Variants in RIT2 observed in about 807,000 individuals in gnomAD.
RIT2 encodes Ras like without CAAX 2.
A neutral mutation model predicts 23.7 loss-of-function variants in RIT2; 24 were observed. The observed-to-expected ratio is 1.01, with a 90% CI of 0.73 to 1.43. The LOEUF is 1.43. Ranked by LOEUF, RIT2 falls within the 40% of genes most tolerant of loss-of-function variation. RIT2 has a pLI of 0.00. For missense variants in RIT2, 236 were observed against 266.9 expected (o/e 0.88, Z 0.81); for synonymous variants, 107 against 91.1 (o/e 1.17, Z -0.99).
chr18:42,987,411 C>T (rs1910736805), intron 2 of RIT2, among the ~76,000 whole-genome samples: 1 of 152,128 alleles, frequency 6.6e-6, no homozygotes, highest in African/African-American at 2.4e-5. Flanking sequence ...ACCTAGATAC[C>T]TATCTGAAAC....
chr18:43,021,699 T>C (rs951859553), intron 2 of RIT2, among the ~76,000 whole-genome samples: 9 of 152,090 alleles, frequency 5.9e-5, no homozygotes, highest in African/African-American at 2.2e-4. Context: ...AAACGTGCCT[T>C]CTTCCCCTTT....
At chr18:42,889,816 A>G (rs998656549) in intron 4 of RIT2, among the ~76,000 whole-genome samples, 1 of 152,150 alleles carries the variant, frequency 6.6e-6, no homozygotes, top group African/African-American at 2.4e-5. Flanking sequence ...GTTCAGAGAA[A>G]TGCAGAAAGA....
rs1227982274 is a variant in RIT2, at chr18:42,873,684, C to T, written c.426+49888G>A. ...GAAACAGCATTTTTCTTCTGCCAAACAGAAGGAATATTCAAGATGATAAAA... is the reference window on the plus strand; with the variant it reads ...GAAACAGCATTTTTCTTCTGCCAAATAGAAGGAATATTCAAGATGATAAAA... On this transcript the variant is annotated intron_variant, in intron 4 of 4. Coordinates refer to ENST00000326695, the MANE Select transcript of RIT2 (RefSeq NM_002930.4). 3.3e-5 allele frequency among the ~76,000 whole-genome samples: 5 copies of T among 151,992 alleles called. No homozygotes were observed. In the East Asian group the frequency reaches 7.7e-4, roughly 24 times the overall value.
intron 3 of RIT2, among the ~76,000 whole-genome samples, chr18:42,964,684 C>T (rs1293006245): frequency 6.6e-6 from 1 of 152,176 alleles, no homozygotes; most frequent in Non-Finnish European, 1.5e-5. Flanking sequence ...AATTTGGAGC[C>T]TCAAAATCAT....
Position 42,905,834 on chromosome 18 carries a change from G to A in RIT2, c.426+17738C>T, listed in dbSNP as rs540768724. Among the ~76,000 whole-genome samples, 8 of 150,622 alleles carry A rather than the reference G, an allele frequency of 5.3e-5. No homozygotes were observed. In the South Asian group the frequency reaches 1.7e-3, roughly 32 times the overall value. On this transcript the variant is annotated intron_variant, in intron 4 of 4. Coordinates refer to ENST00000326695, the MANE Select transcript of RIT2 (RefSeq NM_002930.4). Reference sequence around the variant, plus strand: ...TAAAAGGATCAGAATCTAGGATGTCGATAAAACTGATGAGATAAAACAGAG... The same window carrying A: ...TAAAAGGATCAGAATCTAGGATGTCAATAAAACTGATGAGATAAAACAGAG...
chr18:43,078,492 A>G (rs559043567), intron 1 of RIT2, among the ~76,000 whole-genome samples: 17 of 152,312 alleles, frequency 1.1e-4, no homozygotes, highest in African/African-American at 4.1e-4. Context: ...AAACATTTAG[A>G]ACCTCTTTTT....
At chr18:43,113,452 A>G (rs1422247125) in intron 1 of RIT2, among the ~76,000 whole-genome samples, 1 of 152,168 alleles carries the variant, frequency 6.6e-6, no homozygotes, top group Non-Finnish European at 1.5e-5. Context: ...TCAAGTACTT[A>G]ATTATGAATT....
chr18:42,867,724 G>C (rs1413876388), intron 4 of RIT2, among the ~76,000 whole-genome samples: 1 of 152,088 alleles, frequency 6.6e-6, no homozygotes, highest in Non-Finnish European at 1.5e-5. Context: ...AGTCCAGGAG[G>C]TCGAGGCTTC....
Position 42,908,019 on chromosome 18 carries a change from T to C in RIT2, c.426+15553A>G, listed in dbSNP as rs556894354. ...TAAAATGCTTCAATAATCATTATAATTTACTGTAAAACAAATTTAAAAGAC... is the reference window on the plus strand; with the variant it reads ...TAAAATGCTTCAATAATCATTATAACTTACTGTAAAACAAATTTAAAAGAC... On this transcript the variant is annotated intron_variant, in intron 4 of 4. Coordinates refer to ENST00000326695, the MANE Select transcript of RIT2 (RefSeq NM_002930.4). Among the ~76,000 whole-genome samples the C allele has an allele frequency of 2.6e-3, 388 of 151,274 alleles. 1 individual carries two copies. The highest frequency in any genetic ancestry group is 8.9e-3 in the African/African-American group (366 of 41,234).
chr18:43,107,429 G>A (rs577609730), intron 1 of RIT2, among the ~76,000 whole-genome samples: 129 of 152,166 alleles, frequency 8.5e-4, no homozygotes, highest in East Asian at 3.5e-3. Flanking sequence ...GCACGCGTGC[G>A]TGCACGCATA....
chr18:42,966,773 T>G (rs1246281524), intron 3 of RIT2, among the ~76,000 whole-genome samples: 1 of 152,154 alleles, frequency 6.6e-6, no homozygotes, highest in Non-Finnish European at 1.5e-5. Flanking sequence ...GCATTATAAA[T>G]CTGTGTATGT....
At chr18:42,920,829 C>T (rs1909037879) in intron 4 of RIT2, 5 of 1,031,416 alleles carry the variant, frequency 4.8e-6, no homozygotes, top group South Asian at 1.3e-5. Context: ...ACAATAGCAC[C>T]AGTGTAATTT....
chr18:43,072,854 T>C (rs1266541043), intron 1 of RIT2, among the ~76,000 whole-genome samples: 1 of 152,186 alleles, frequency 6.6e-6, no homozygotes, highest in Non-Finnish European at 1.5e-5. Flanking sequence ...ATTCTATTTC[T>C]CTGTTATTCA....
intron 2 of RIT2, among the ~76,000 whole-genome samples, chr18:42,984,610 T>C (rs938296621): frequency 1.3e-5 from 2 of 152,088 alleles, no homozygotes; most frequent in African/African-American, 4.8e-5. Context: ...TTATTATACT[T>C]TTTTGGCTTC....
intron 4 of RIT2, among the ~76,000 whole-genome samples, chr18:42,820,811 A>G (rs1906127672): frequency 6.6e-6 from 1 of 152,124 alleles, no homozygotes; most frequent in African/African-American, 2.4e-5. Flanking sequence ...GTTTCCTGCT[A>G]GGACACTGAT....
intron 1 of RIT2, among the ~76,000 whole-genome samples, chr18:43,081,212 AACTT>A (rs1487363136): frequency 6.6e-6 from 1 of 152,204 alleles, no homozygotes; most frequent in Admixed American, 6.5e-5. Context: ...TGGATGTTTA[AACTT>A]ACTTATGTTT....
chr18:42,938,660 C>A (rs1052781877), intron 3 of RIT2, among the ~76,000 whole-genome samples: 2 of 152,152 alleles, frequency 1.3e-5, no homozygotes, highest in Non-Finnish European at 2.9e-5. Flanking sequence ...ATTCTATTTA[C>A]ATTTAGTCCA....
At chr18:42,786,761 C>T (rs919755280) in intron 4 of RIT2, among the ~76,000 whole-genome samples, 4 of 152,082 alleles carry the variant, frequency 2.6e-5, no homozygotes, top group African/African-American at 4.8e-5. Flanking sequence ...GCTATGACTT[C>T]GTGTCACATC....
intron 4 of RIT2, among the ~76,000 whole-genome samples, chr18:42,922,150 CA>C (rs1909070370): frequency 6.6e-6 from 1 of 152,056 alleles, no homozygotes. Context: ...AAAATATCAC[CA>C]CAAAAATGCA....
Sources: gnomAD v4.1 joint callset for allele counts (sites outside exome capture counted in the v4.1 genomes callset) on GRCh38, gnomAD v4.1.1 for gene constraint, MANE v1.5 for transcripts, NCBI Gene and HGNC (gene_info 2026-07-23, HGNC 2026-07-21) for gene names.